NXN: variants seen among roughly 807,000 people sequenced by gnomAD.
NXN encodes the protein nucleoredoxin.
Under a neutral mutation model 48.6 loss-of-function variants are expected in NXN, and 16 were observed. That is an observed-to-expected ratio of 0.33 (90% confidence interval 0.22 to 0.50). NXN has a LOEUF of 0.50. Ranked by LOEUF, NXN falls within the 20% of genes least tolerant of loss-of-function variation. NXN has a pLI of 0.98. For missense variants in NXN, 492 were observed against 605.5 expected, an observed-to-expected ratio of 0.81 and a Z score of 1.97; for synonymous variants, 281 against 269.6, an observed-to-expected ratio of 1.04 and a Z score of -0.41.
chr17:916,756 G>C (rs1392093179), intron 1 of NXN, among the ~76,000 whole-genome samples: 1 of 152,166 alleles, frequency 6.6e-6, no homozygotes, highest in Non-Finnish European at 1.5e-5. Context: ...AAACTAGCCA[G>C]GTGTGGTGGC....
rs879534220 is a variant in NXN at position 893,148 on chromosome 17, C to T, written c.361-67070G>A. Among the ~76,000 whole-genome samples, 3 of 152,248 alleles carry T rather than the reference C, an allele frequency of 2.0e-5. No individual in the cohort carries two copies. The East Asian group carries it at 5.8e-4, about 29-fold the overall frequency. ...AGATGCGGATGGGAGAACACGCCTACGCAGGCCAAGTCTCCAGCAGGGCAA... is the reference window on the plus strand; with the variant it reads ...AGATGCGGATGGGAGAACACGCCTATGCAGGCCAAGTCTCCAGCAGGGCAA... On this transcript the variant is annotated intron_variant, in intron 1 of 7. Transcript: ENST00000336868.
chr17:966,749 C>G (rs1002240453), intron 1 of NXN, among the ~76,000 whole-genome samples: 3 of 147,454 alleles, frequency 2.0e-5, no homozygotes, highest in Non-Finnish European at 4.4e-5. Context: ...AGCCAGCTGC[C>G]CTCTGTGCCT....
chr17:819,494 G>A lies in NXN; in HGVS notation c.765C>T (p.Val255=). 1 of 1,613,452 alleles carries A rather than the reference G, an allele frequency of 6.2e-7. No individual in the cohort carries two copies. The change falls in exon 5 of 8, where the codon GTC becomes GTT. Residue 255 remains valine, a synonymous_variant. Coordinates refer to ENST00000336868, the MANE Select transcript of NXN (RefSeq NM_022463.5). ...ACCGCCGGGCCTCATCCGTGTAGGG[G>A]ACGGCGAGCCAGGGCATCTCACTGA... ...QYFSEMPWLA[V]PYTDEARRSR... is the part of the protein sequence containing the mutation.
intron 1 of NXN, among the ~76,000 whole-genome samples, chr17:955,469 C>G: frequency 6.6e-6 from 1 of 151,738 alleles, no homozygotes; most frequent in Non-Finnish European, 1.5e-5. Flanking sequence ...TGTGCCTGGC[C>G]TCATCTCTTC....
chr17:832,655 T>C (rs374083243), intron 1 of NXN, among the ~76,000 whole-genome samples: 5 of 152,264 alleles, frequency 3.3e-5, no homozygotes, highest in African/African-American at 1.2e-4. Flanking sequence ...CTCCCTGCCC[T>C]GCCCCCAGTC....
At chr17:912,476 C>T (rs1435201720) in intron 1 of NXN, among the ~76,000 whole-genome samples, 1 of 152,124 alleles carries the variant, frequency 6.6e-6, no homozygotes, top group Non-Finnish European at 1.5e-5. Flanking sequence ...CCGTCTACAT[C>T]CTTGCCAACA....
chr17:846,897 A>G (rs2144733749), intron 1 of NXN, among the ~76,000 whole-genome samples: 1 of 152,330 alleles, frequency 6.6e-6, no homozygotes. Flanking sequence ...GAATTAAAGA[A>G]TAAAAGATTG....
chr17:931,578 T>A (rs2068853818), intron 1 of NXN, among the ~76,000 whole-genome samples: 2 of 151,980 alleles, frequency 1.3e-5, no homozygotes, highest in Non-Finnish European at 2.9e-5. Flanking sequence ...GGCTCACACC[T>A]GTAATCCCAG....
rs984218703 is a variant in NXN at position 830,540 on chromosome 17, G to A, written c.361-4462C>T. On this transcript the variant is annotated intron_variant, in intron 1 of 7. Transcript: ENST00000336868. The surrounding 1 kb of genome is among the most constrained non-coding windows in gnomAD (Gnocchi z 4.2). ...GAGGCCACCTGAGGCCCAAGAGCCC[G>A]TGTGGAGGCTGACTGCGAAAGTCTG... Among the ~76,000 whole-genome samples, 11 of 152,158 alleles carry A rather than the reference G, an allele frequency of 7.2e-5. No individual in the cohort carries two copies. Among genetic ancestry groups the A allele is most frequent in the African/African-American group, 1.7e-4 (7 of 41,426 alleles).
At chr17:885,464 C>G (rs1048716240) in intron 1 of NXN, among the ~76,000 whole-genome samples, 1 of 149,180 alleles carries the variant, frequency 6.7e-6, no homozygotes, top group Non-Finnish European at 1.5e-5. Flanking sequence ...GCAACAAGAG[C>G]GAGACTCAAT....
At chr17:821,885 A>T (rs1206207692) in intron 4 of NXN, among the ~76,000 whole-genome samples, 1 of 151,842 alleles carries the variant, frequency 6.6e-6, no homozygotes. Context: ...TGAGCAAATC[A>T]GAAAATACGT....
At chr17:885,672 C>CTCTTTTTTT (rs2068337435) in intron 1 of NXN, among the ~76,000 whole-genome samples, 1 of 83,750 alleles carries the variant, frequency 1.2e-5, no homozygotes, top group African/African-American at 6.6e-5. Flanking sequence ...GCGGTACTCG[C>CTCTTTTTTT]TTTTTTTTTT....
rs1912868370 is a variant in NXN, at chr17:822,433, G to A, written c.637C>T (p.Arg213Trp). The change falls in exon 4 of 8, where the codon CGG (arginine) becomes TGG (tryptophan). Residue 213 changes from arginine to tryptophan, a missense_variant. Transcript: ENST00000336868. Reference sequence around the variant, plus strand: ...TTCCGGTAGGATTCCACCAGGACCCGGGTGAGGCTTCGGCAGGGCGGACAC... The same window carrying A: ...TTCCGGTAGGATTCCACCAGGACCCAGGTGAGGCTTCGGCAGGGCGGACAC... Reference protein sequence around the residue: ...HWCPPCRSLTRVLVESYRKIK... With the variant: ...HWCPPCRSLTWVLVESYRKIK... 3.1e-6 allele frequency: 5 copies of A among 1,614,010 alleles called. No individual in the cohort carries two copies. The highest frequency in any genetic ancestry group is 2.2e-5 in the East Asian group (1 of 44,874).
intron 1 of NXN, among the ~76,000 whole-genome samples, chr17:921,964 T>A (rs1382938280): frequency 6.6e-6 from 1 of 152,244 alleles, no homozygotes; most frequent in Non-Finnish European, 1.5e-5. Context: ...TCCTCCAACC[T>A]GCTTCTCCCT....
rs610542 is a variant in NXN, at chr17:803,934, C to G, written c.1001-128G>C. 0.14 allele frequency: 177,279 copies of G among 1,242,172 alleles called. 13,097 individuals are homozygous for G. Among genetic ancestry groups the G allele is most frequent in the Admixed American group, 0.2 (9,907 of 49,324 alleles). The allele number at this position is 1,242,172 out of a possible 1,614,324, so 76.9% of individuals were successfully genotyped here. On this transcript the variant is annotated intron_variant, in intron 6 of 7. Coordinates refer to ENST00000336868, the MANE Select transcript of NXN (RefSeq NM_022463.5). The stretch of plus-strand genomic sequence containing the variant: ...TGAGCGGCCCCTGAACGGAAATGAA[C>G]TTCCCCTTGGATGCAGGTCTTGCTC...
chr17:889,499 C>A (rs987471966), intron 1 of NXN, among the ~76,000 whole-genome samples: 6 of 152,110 alleles, frequency 3.9e-5, no homozygotes, highest in Non-Finnish European at 8.8e-5. Flanking sequence ...GAGTTCAAGA[C>A]CAGCCTGGCC....
At chr17:841,228 T>C (rs1008578979) in intron 1 of NXN, among the ~76,000 whole-genome samples, 2 of 152,218 alleles carry the variant, frequency 1.3e-5, no homozygotes, top group Non-Finnish European at 2.9e-5. Flanking sequence ...TTCCAGATGC[T>C]ACTTCAGAAA....
chr17:866,468 GA>G (rs1261495538), intron 1 of NXN, among the ~76,000 whole-genome samples: 1 of 152,114 alleles, frequency 6.6e-6, no homozygotes, highest in Non-Finnish European at 1.5e-5. Context: ...AGGTACTCGG[GA>G]GGCTGAGGCA....
chr17:850,677 C>T lies in NXN; in HGVS notation c.361-24599G>A, dbSNP rs534639960. Reference sequence around the variant, plus strand: ...GGAGCTGAGTCAGGAGGGACGAAGGCGGGAGGTTTCTTCTGCAGACAAGAT... The same window carrying T: ...GGAGCTGAGTCAGGAGGGACGAAGGTGGGAGGTTTCTTCTGCAGACAAGAT... On this transcript the variant is annotated intron_variant, in intron 1 of 7. Transcript: ENST00000336868. Among the ~76,000 whole-genome samples, 9 of 152,250 alleles carry T rather than the reference C, an allele frequency of 5.9e-5. No individual in the cohort carries two copies. In the South Asian group the frequency reaches 6.2e-4, roughly 11 times the overall value.
Sources: gnomAD v4.1 joint callset for allele counts (sites outside exome capture counted in the v4.1 genomes callset) on GRCh38, gnomAD v4.1.1 for gene constraint, Gnocchi (gnomAD v3.1) non-coding constraint, MANE v1.5 for transcripts, NCBI Gene and HGNC (gene_info 2026-07-23, HGNC 2026-07-21) for gene names.